ADGRL4: variants seen among roughly 807,000 people sequenced by gnomAD.
ADGRL4 encodes the protein EGF, latrophilin and seven transmembrane domain containing 1.
Under a neutral mutation model 74.8 loss-of-function variants are expected in ADGRL4, and 90 were observed. That is an observed-to-expected ratio of 1.20 (90% CI 1.02 to 1.43). The LOEUF (loss-of-function observed/expected upper bound fraction) is 1.43, where lower values mean the gene tolerates loss of function less well. Among genes scored for constraint, ADGRL4 ranks in the 40% most tolerant of loss-of-function variants. The probability of loss-of-function intolerance (pLI) is 0.00; values close to 1 mark genes in which losing one functional copy is unlikely to be tolerated. For missense variants in ADGRL4, 881 were observed against 814.3 expected (o/e 1.08, Z -1.00); for synonymous variants, 311 against 279.2 (o/e 1.11, Z -1.14).
intron 2 of ADGRL4, among the ~76,000 whole-genome samples, chr1:78,959,667 CA>C (rs1649905406): frequency 6.6e-6 from 1 of 152,130 alleles, no homozygotes; most frequent in South Asian, 2.1e-4. Context: ...TGATGAAATT[CA>C]ATTTGTATTT....
chr1:79,005,172 T>G lies in ADGRL4; in HGVS notation c.70A>C (p.Lys24Gln). Residue 24 changes from lysine to glutamine, a missense_variant, in exon 2 of 15, where the codon AAG becomes CAG. Physicochemically the swap from Lys to Gln is moderately conservative, Grantham distance 53 (BLOSUM62 1). Transcript: ENST00000370742. ...TTTGCATTTGGGAGACAAGGTGTCT[T>G]GGTGCAATTTTGAGTATAGGAACAA... ...LNCSYTQNCTKTPCLPNAKCE... is the reference protein window; with the variant it reads ...LNCSYTQNCTQTPCLPNAKCE... The G allele has an allele frequency of 6.2e-7, 1 of 1,613,752 alleles. No individual in the cohort carries two copies. Among genetic ancestry groups the G allele is most frequent in the Non-Finnish European group, 8.5e-7 (1 of 1,179,788 alleles).
At chr1:78,966,503 G>A (rs533536790) in intron 2 of ADGRL4, among the ~76,000 whole-genome samples, 1 of 152,158 alleles carries the variant, frequency 6.6e-6, no homozygotes, top group Non-Finnish European at 1.5e-5. Context: ...TCTCACTGTT[G>A]CTTCTGAGCC....
chr1:78,913,436 T>C (rs556151308), intron 12 of ADGRL4, among the ~76,000 whole-genome samples: 5 of 151,980 alleles, frequency 3.3e-5, no homozygotes, highest in African/African-American at 1.2e-4. Flanking sequence ...TGGAATACTA[T>C]GCAGTCAGAA....
At chr1:78,986,279 G>C (rs1650493237) in intron 2 of ADGRL4, among the ~76,000 whole-genome samples, 1 of 151,672 alleles carries the variant, frequency 6.6e-6, no homozygotes, top group South Asian at 2.1e-4. Context: ...TTATACAGCA[G>C]AACTATGACT....
chr1:78,912,764 C>T (rs1648790214), intron 12 of ADGRL4, among the ~76,000 whole-genome samples: 1 of 151,602 alleles, frequency 6.6e-6, no homozygotes, highest in African/African-American at 2.4e-5. Context: ...TCATGCACCC[C>T]TACACTTTAA....
At chr1:78,970,248 A>G (rs957256096) in intron 2 of ADGRL4, among the ~76,000 whole-genome samples, 2 of 152,180 alleles carry the variant, frequency 1.3e-5, no homozygotes, top group Admixed American at 6.5e-5. Flanking sequence ...TAGGAAGGAA[A>G]ATTGGATCTA....
chr1:78,941,201 G>A (rs1649471892), intron 3 of ADGRL4, among the ~76,000 whole-genome samples: 1 of 152,182 alleles, frequency 6.6e-6, no homozygotes, highest in Admixed American at 6.5e-5. Context: ...CTTGGGATAT[G>A]GAGAACCATC....
At chr1:78,933,449 T>C (rs951888464) in intron 7 of ADGRL4, among the ~76,000 whole-genome samples, 3 of 151,438 alleles carry the variant, frequency 2.0e-5, no homozygotes, top group Non-Finnish European at 2.9e-5. Flanking sequence ...AAGAGCTATT[T>C]ATGACAAACC....
intron 12 of ADGRL4, 152 bp downstream of exon 12, chr1:78,917,482 T>C (rs1189886227): frequency 2.6e-6 from 1 of 388,508 alleles, no homozygotes; most frequent in African/African-American, 2.1e-5. Context: ...ACATGTATTT[T>C]TTAATTATAG....
At chr1:78,896,855 C>T (rs772401805) in intron 12 of ADGRL4, among the ~76,000 whole-genome samples, 6 of 152,100 alleles carry the variant, frequency 3.9e-5, no homozygotes, top group Non-Finnish European at 8.8e-5. Context: ...TTCCCCCAAG[C>T]GTTACTTCTC....
rs976071520 is a variant in ADGRL4 at position 78,920,258 on chromosome 1, A to C, written c.1386T>G (p.Ile462Met). The C allele has an allele frequency of 2.4e-5, 39 of 1,612,096 alleles. No individual in the cohort carries two copies. Among genetic ancestry groups the C allele is most frequent in the Non-Finnish European group, 3.3e-5 (39 of 1,178,892 alleles). Residue 462 changes from isoleucine (I) to methionine (M), a missense_variant, in exon 10 of 15, where the codon ATT becomes ATG. Coordinates refer to ENST00000370742, the MANE Select transcript of ADGRL4 (RefSeq NM_022159.4). Reference protein sequence around the residue: ...FSEIQSTRTTIHKNLCCSLFL... With the variant: ...FSEIQSTRTTMHKNLCCSLFL... ...ATAGGCTACAGCAAAGATTTTTGTG[A>C]ATTGTTGTCCTGGTGCTTTGAATTT...
At chr1:78,973,853 C>T (rs991768667) in intron 2 of ADGRL4, among the ~76,000 whole-genome samples, 1 of 151,870 alleles carries the variant, frequency 6.6e-6, no homozygotes, top group Admixed American at 6.6e-5. Flanking sequence ...TTCAATAATG[C>T]CAGGAAGATA....
intron 12 of ADGRL4, among the ~76,000 whole-genome samples, chr1:78,907,977 C>T (rs984385742): frequency 6.6e-6 from 1 of 151,918 alleles, no homozygotes; most frequent in Non-Finnish European, 1.5e-5. Context: ...TTGGGAAGCC[C>T]TGAAACTAGA....
intron 2 of ADGRL4, among the ~76,000 whole-genome samples, chr1:78,989,311 A>AT (rs1281445611): frequency 6.6e-6 from 1 of 151,838 alleles, no homozygotes; most frequent in East Asian, 1.9e-4. Flanking sequence ...TATACATATG[A>AT]TTTAGGAAAA....
chr1:78,951,639 G>A (rs1244449413), intron 2 of ADGRL4, among the ~76,000 whole-genome samples: 1 of 152,076 alleles, frequency 6.6e-6, no homozygotes, highest in South Asian at 2.1e-4. Context: ...CTGTTAAATG[G>A]TACATTTTAT....
chr1:78,997,761 A>T (rs79680474), intron 2 of ADGRL4, among the ~76,000 whole-genome samples: 4,117 of 151,150 alleles, frequency 0.027, 93 homozygotes, highest in South Asian at 0.069. Context: ...TTTATAATTT[A>T]AAAAAAAATG....
chr1:78,970,242 A>G (rs1650143719), intron 2 of ADGRL4, among the ~76,000 whole-genome samples: 1 of 152,158 alleles, frequency 6.6e-6, no homozygotes, highest in African/African-American at 2.4e-5. Context: ...AAGCCCTAGG[A>G]AGGAAAATTG....
intron 2 of ADGRL4, among the ~76,000 whole-genome samples, chr1:78,993,719 C>T (rs188722573): frequency 8.5e-5 from 13 of 152,198 alleles, no homozygotes; most frequent in Admixed American, 4.6e-4. Flanking sequence ...CAGGTGCCCA[C>T]CACCATGCTC....
chr1:78,900,133 A>G (rs1570211447), intron 12 of ADGRL4, among the ~76,000 whole-genome samples: 1 of 152,076 alleles, frequency 6.6e-6, no homozygotes, highest in Admixed American at 6.6e-5. Flanking sequence ...GATGAATGAG[A>G]TCATGAGTCA....
Sources: allele counts gnomAD v4.1 joint callset (sites outside exome capture counted in the v4.1 genomes callset), GRCh38; gene constraint gnomAD v4.1.1; transcripts MANE v1.5; gene names NCBI Gene and HGNC (gene_info 2026-07-23, HGNC 2026-07-21).